The following HIBADH variants were observed in gnomAD, a reference collection of about 807,000 sequenced individuals.
The protein encoded by HIBADH is 3-hydroxyisobutyrate dehydrogenase, mitochondrial.
HIBADH carries 25 observed loss-of-function variants against 36.1 expected under a neutral mutation model. The observed-to-expected ratio is 0.69, with a 90% CI of 0.50 to 0.97. The LOEUF (loss-of-function observed/expected upper bound fraction) is 0.97, where lower values mean the gene tolerates loss of function less well. Among genes scored for constraint, HIBADH ranks in the 50% least tolerant of loss-of-function variants. The pLI, the probability that HIBADH is intolerant of heterozygous loss-of-function variation, is 0.00. For synonymous variants in HIBADH, 160 were observed against 149.5 expected (o/e 1.07, Z -0.51); for missense variants, 421 against 418.0 (o/e 1.01, Z -0.06).
At chr7:27,622,195 T>C (rs1785557777) in intron 4 of HIBADH, among the ~76,000 whole-genome samples, 1 of 151,736 alleles carries the variant, frequency 6.6e-6, no homozygotes. Flanking sequence ...CAGTGAGCTG[T>C]GATTGCACCA....
chr7:27,536,409 T>A (rs1784071097), intron 6 of HIBADH, among the ~76,000 whole-genome samples: 1 of 152,126 alleles, frequency 6.6e-6, no homozygotes, highest in African/African-American at 2.4e-5. Flanking sequence ...GTTATATATA[T>A]CAGTATATAT....
At chr7:27,632,980 TTCAGAAAAGAAAAGG>T (rs1785773875) in intron 2 of HIBADH, among the ~76,000 whole-genome samples, 2 of 151,514 alleles carry the variant, frequency 1.3e-5, no homozygotes, top group Non-Finnish European at 2.9e-5. Flanking sequence ...AAAAGTCTGT[TTCAGAAAAGAAAAGG>T]TCAGGACAAG....
At chr7:27,621,084 T>G (rs1785533637) in intron 4 of HIBADH, among the ~76,000 whole-genome samples, 1 of 144,244 alleles carries the variant, frequency 6.9e-6, no homozygotes, top group African/African-American at 2.6e-5. Context: ...TCGTTATACT[T>G]ACATCAAACA....
chr7:27,652,413 G>A (rs372882290), intron 1 of HIBADH, among the ~76,000 whole-genome samples: 1 of 152,158 alleles, frequency 6.6e-6, no homozygotes, highest in Admixed American at 6.5e-5. Context: ...CAAGAGAAAT[G>A]ACAGATGAGA....
At chr7:27,553,536 G>A (rs1784349169) in intron 4 of HIBADH, among the ~76,000 whole-genome samples, 1 of 152,222 alleles carries the variant, frequency 6.6e-6, no homozygotes, top group Non-Finnish European at 1.5e-5. Context: ...GTTCCGCATG[G>A]AGCTGGCTGG....
chr7:27,555,321 TTTAAA>T (rs1784375384), intron 4 of HIBADH, among the ~76,000 whole-genome samples: 1 of 150,404 alleles, frequency 6.6e-6, no homozygotes, highest in Admixed American at 6.6e-5. Context: ...TTTTTTTTTT[TTTAAA>T]TAAAGACTAA....
chr7:27,609,676 A>C (rs887118142), intron 4 of HIBADH, among the ~76,000 whole-genome samples: 1 of 152,204 alleles, frequency 6.6e-6, no homozygotes, highest in Non-Finnish European at 1.5e-5. Flanking sequence ...AGCAAGTCAG[A>C]CCAAGGAAAG....
intron 4 of HIBADH, among the ~76,000 whole-genome samples, chr7:27,610,875 G>C (rs1165442288): frequency 1.3e-5 from 2 of 152,120 alleles, no homozygotes; most frequent in South Asian, 2.1e-4. Context: ...ATTAGATACA[G>C]ATCTAGTGGA....
At chr7:27,624,243 T>C (rs1226859910) in intron 4 of HIBADH, among the ~76,000 whole-genome samples, 2 of 152,102 alleles carry the variant, frequency 1.3e-5, no homozygotes, top group Admixed American at 6.5e-5. Context: ...AGCCCGATTA[T>C]TCAAATCAAT....
chr7:27,650,635 G>T (rs1430001398), intron 1 of HIBADH, among the ~76,000 whole-genome samples: 1 of 148,272 alleles, frequency 6.7e-6, no homozygotes, highest in African/African-American at 2.5e-5. Context: ...TGGGATCACA[G>T]ACACGCACCA....
intron 4 of HIBADH, among the ~76,000 whole-genome samples, chr7:27,564,957 C>T (rs1037365103): frequency 2.0e-5 from 3 of 152,148 alleles, no homozygotes; most frequent in African/African-American, 7.2e-5. Context: ...GTTTTGAAAT[C>T]TGGGCCCTTG....
chr7:27,587,603 C>T (rs189390927), intron 4 of HIBADH, among the ~76,000 whole-genome samples: 4 of 152,286 alleles, frequency 2.6e-5, no homozygotes, highest in South Asian at 4.1e-4. Context: ...ACCCTCTAGC[C>T]CTAGTCATGC....
intron 4 of HIBADH, among the ~76,000 whole-genome samples, chr7:27,573,972 C>T (rs796952062): frequency 3.3e-5 from 5 of 152,198 alleles, no homozygotes; most frequent in Middle Eastern, 6.8e-3. Flanking sequence ...ACACATGTGG[C>T]TTATATTACA....
intron 1 of HIBADH, among the ~76,000 whole-genome samples, chr7:27,651,603 A>G (rs1562660408): frequency 6.6e-6 from 1 of 152,212 alleles, no homozygotes; most frequent in Non-Finnish European, 1.5e-5. Context: ...TTCAGCAACT[A>G]GGAAGATTAT....
chr7:27,636,664 G>T (rs1283483486), intron 2 of HIBADH, among the ~76,000 whole-genome samples: 1 of 152,210 alleles, frequency 6.6e-6, no homozygotes, highest in Non-Finnish European at 1.5e-5. Flanking sequence ...AGTTCAATCA[G>T]AATAAACTCA....
intron 4 of HIBADH, among the ~76,000 whole-genome samples, chr7:27,590,160 A>G (rs1054695633): frequency 6.6e-6 from 1 of 152,162 alleles, no homozygotes; most frequent in Non-Finnish European, 1.5e-5. Context: ...AAGAGATTCA[A>G]TGGTACATCA....
intron 4 of HIBADH, among the ~76,000 whole-genome samples, chr7:27,613,457 A>C (rs1352839889): frequency 6.6e-6 from 1 of 151,384 alleles, no homozygotes; most frequent in Non-Finnish European, 1.5e-5. Context: ...TCTTTATTTA[A>C]AGAATATGTA....
intron 4 of HIBADH, among the ~76,000 whole-genome samples, chr7:27,603,991 T>G (rs1785175650): frequency 6.6e-6 from 1 of 152,098 alleles, no homozygotes; most frequent in South Asian, 2.1e-4. Flanking sequence ...AATAGATCAT[T>G]TAGGCCAGTG....
chr7:27,643,879 CCTCTGTGT>C (rs1027326756), intron 2 of HIBADH, among the ~76,000 whole-genome samples: 17 of 152,252 alleles, frequency 1.1e-4, no homozygotes, highest in African/African-American at 3.6e-4. Flanking sequence ...ATGGCCTTCC[CCTCTGTGT>C]CTCTGTGTCT....
Sources: gnomAD v4.1 joint callset for allele counts (sites outside exome capture counted in the v4.1 genomes callset) on GRCh38, gnomAD v4.1.1 for gene constraint, MANE v1.5 for transcripts, NCBI Gene and HGNC (gene_info 2026-07-23, HGNC 2026-07-21) for gene names.